Variants in QKI observed in about 807,000 individuals in gnomAD.
QKI encodes KH domain-containing RNA-binding protein QKI.
In QKI, 10 loss-of-function variants were observed where a neutral mutation model predicts 39.0. The ratio of observed to expected loss-of-function variants is 0.26; its 90% CI spans 0.16 to 0.43. QKI has a LOEUF of 0.43. Ranked by LOEUF, QKI falls within the 20% of genes least tolerant of loss-of-function variation. The probability of loss-of-function intolerance (pLI) is 1.00; values close to 1 mark genes in which losing one functional copy is unlikely to be tolerated. For synonymous variants in QKI, 204 were observed against 155.4 expected (o/e 1.31, Z -2.33); for missense variants, 218 against 428.0 (o/e 0.51, Z 4.33).
At chr6:163,480,671 T>C (rs1424962365) in intron 3 of QKI, among the ~76,000 whole-genome samples, 3 of 152,214 alleles carry the variant, frequency 2.0e-5, no homozygotes, top group Non-Finnish European at 4.4e-5. Context: ...TATGAGAATC[T>C]TAAAAAAATG....
At chr6:163,436,190 G>A (rs1789255168) in intron 1 of QKI, among the ~76,000 whole-genome samples, 1 of 152,162 alleles carries the variant, frequency 6.6e-6, no homozygotes, top group African/African-American at 2.4e-5. Flanking sequence ...AAATGCTGAT[G>A]TAAAATATAA....
intron 3 of QKI, among the ~76,000 whole-genome samples, chr6:163,515,135 A>T (rs995650720): frequency 6.6e-6 from 1 of 152,180 alleles, no homozygotes; most frequent in Non-Finnish European, 1.5e-5. Flanking sequence ...ACATTTGAAA[A>T]GATGCTTTAC....
chr6:163,447,397 T>C (rs939109999), intron 1 of QKI, among the ~76,000 whole-genome samples: 3 of 152,130 alleles, frequency 2.0e-5, no homozygotes, highest in African/African-American at 2.4e-5. Flanking sequence ...AAATATACAA[T>C]GTATTAGTTA....
chr6:163,517,238 TGTTTGGA>T (rs1280007718), intron 3 of QKI, among the ~76,000 whole-genome samples: 1 of 152,178 alleles, frequency 6.6e-6, no homozygotes, highest in African/African-American at 2.4e-5. Flanking sequence ...ACCCAGTTGG[TGTTTGGA>T]ATATCTGAGC....
intron 2 of QKI, among the ~76,000 whole-genome samples, chr6:163,464,255 T>G (rs898362664): frequency 1.3e-5 from 2 of 151,982 alleles, no homozygotes; most frequent in Non-Finnish European, 2.9e-5. Context: ...GATTTTTCAT[T>G]CTCGCAGTAA....
chr6:163,563,458 G>T lies in QKI; in HGVS notation c.673G>T (p.Ala225Ser). 6.2e-7 allele frequency: 1 copy of T among 1,613,608 alleles called. No individual in the cohort carries two copies. The highest frequency in any genetic ancestry group is 8.5e-7 in the Non-Finnish European group (1 of 1,179,720). Residue 225 changes from alanine to serine, a missense_variant, in exon 6 of 8, where the codon GCT (alanine) becomes TCT (serine). Transcript: ENST00000361752. ...TTCTCTTGCAGCAACAGCCCAGGCTGCTCCAAGGATCATTACTGGGCCTGC... is the reference window on the plus strand; with the variant it reads ...TTCTCTTGCAGCAACAGCCCAGGCTTCTCCAAGGATCATTACTGGGCCTGC... ...AFSLAATAQA[A>S]PRIITGPAPV...
At chr6:163,454,794 A>G (rs1562450018) in intron 1 of QKI, among the ~76,000 whole-genome samples, 1 of 152,196 alleles carries the variant, frequency 6.6e-6, no homozygotes, top group Non-Finnish European at 1.5e-5. Context: ...TGTCTTTTGA[A>G]CATCTCTGTT....
intron 5 of QKI, 41 bp downstream of exon 5, chr6:163,562,110 G>A (rs781198673): frequency 3.1e-5 from 47 of 1,501,228 alleles, no homozygotes; most frequent in East Asian, 9.2e-5. Flanking sequence ...TGCTGTCTGC[G>A]TTGTTTTGTC....
At chr6:163,440,151 T>G (rs767865270) in intron 1 of QKI, among the ~76,000 whole-genome samples, 11 of 152,232 alleles carry the variant, frequency 7.2e-5, no homozygotes, top group Non-Finnish European at 1.5e-4. Context: ...TTTTCCTTCT[T>G]CTCTATCTAG....
At chr6:163,538,096 A>G (rs1781310705) in intron 4 of QKI, among the ~76,000 whole-genome samples, 1 of 152,172 alleles carries the variant, frequency 6.6e-6, no homozygotes, top group Non-Finnish European at 1.5e-5. Context: ...TTAAAGCTTC[A>G]GTCTTCTCAC....
At chr6:163,544,038 T>G (rs965599734) in intron 4 of QKI, among the ~76,000 whole-genome samples, 3 of 152,072 alleles carry the variant, frequency 2.0e-5, no homozygotes, top group Non-Finnish European at 4.4e-5. Context: ...TTTAAAGCCC[T>G]TTTGGAAAAT....
chr6:163,447,450 C>A (rs1043907680), intron 1 of QKI, among the ~76,000 whole-genome samples: 1 of 151,918 alleles, frequency 6.6e-6, no homozygotes, highest in Non-Finnish European at 1.5e-5. Context: ...AAAATTCATA[C>A]CTTTATCTAA....
intron 3 of QKI, among the ~76,000 whole-genome samples, chr6:163,534,341 A>G (rs567143723): frequency 2.0e-5 from 3 of 152,228 alleles, no homozygotes; most frequent in South Asian, 2.1e-4. Context: ...AGATAAAACT[A>G]TTTTCATAAT....
In QKI at chr6:163,455,382, A is replaced by G. The variant is rs761072010; in HGVS notation, c.246A>G (p.Leu82=). 6.8e-6 allele frequency: 11 copies of G among 1,612,810 alleles called. No individual in the cohort carries two copies. Among genetic ancestry groups the G allele is most frequent in the Admixed American group, 1.7e-5 (1 of 59,958 alleles). ...LPDAVGPIVQ[L]QEKLYVPVKE... ...ATGCTGTGGGACCTATTGTTCAGTTACAAGAGAAACTTTATGTGCCTGTAA... is the reference window on the plus strand; with the variant it reads ...ATGCTGTGGGACCTATTGTTCAGTTGCAAGAGAAACTTTATGTGCCTGTAA... The change falls in exon 2 of 8, where the codon TTA becomes TTG. Residue 82 remains leucine (L), a synonymous_variant. Transcript: ENST00000361752.
intron 3 of QKI, among the ~76,000 whole-genome samples, chr6:163,509,289 A>G (rs1269415201): frequency 6.6e-6 from 1 of 152,216 alleles, no homozygotes. Flanking sequence ...AATTGCCAGC[A>G]GATAAGCACA....
At chr6:163,566,493 G>C in intron 6 of QKI, 2 of 1,355,082 alleles carry the variant, frequency 1.5e-6, no homozygotes, top group South Asian at 3.1e-5. Context: ...GTAAATGAAT[G>C]GATACAATAG....
At chr6:163,569,858 A>AT (rs1224704655) in intron 7 of QKI, 6 of 987,818 alleles carry the variant, frequency 6.1e-6, no homozygotes, top group Non-Finnish European at 7.2e-6. Flanking sequence ...AATTTCTTCT[A>AT]TTTTTTGATG....
chr6:163,487,876 G>A (rs919989343), intron 3 of QKI, among the ~76,000 whole-genome samples: 1 of 151,672 alleles, frequency 6.6e-6, no homozygotes, highest in African/African-American at 2.4e-5. Context: ...TTGTTTTCTA[G>A]GTCCTTTTTT....
At chr6:163,511,125 A>G (rs1583132507) in intron 3 of QKI, among the ~76,000 whole-genome samples, 1 of 152,286 alleles carries the variant, frequency 6.6e-6, no homozygotes, top group South Asian at 2.1e-4. Flanking sequence ...AAAGTGACAC[A>G]CTTTTTTGTA....
Sources: allele counts gnomAD v4.1 joint callset (sites outside exome capture counted in the v4.1 genomes callset), GRCh38; gene constraint gnomAD v4.1.1; transcripts MANE v1.5; gene names NCBI Gene and HGNC (gene_info 2026-07-23, HGNC 2026-07-21).